CNTNAP3B: variants seen among roughly 807,000 people sequenced by gnomAD.
The protein encoded by CNTNAP3B is contactin associated protein family member 3B, also known as contactin-associated protein-like 3B.
A neutral mutation model predicts 108.9 loss-of-function variants in CNTNAP3B; 25 were observed. The observed-to-expected ratio is 0.23, with a 90% CI of 0.17 to 0.32. The LOEUF is 0.32. Among genes scored for constraint, CNTNAP3B ranks in the 10% least tolerant of loss-of-function variants. The pLI is 1.00. For missense variants in CNTNAP3B, 252 were observed against 1,210.4 expected (o/e 0.21, Z 11.75); for synonymous variants, 103 against 473.4 (o/e 0.22, Z 10.16).
chr9:41,968,242 G>T (rs1290809542), intron 10 of CNTNAP3B, among the ~76,000 whole-genome samples: 1 of 147,450 alleles, frequency 6.8e-6, no homozygotes, highest in Non-Finnish European at 1.5e-5. Context: ...AATCACACTT[G>T]CATCACAGTT....
chr9:41,956,243 G>A lies in CNTNAP3B; in HGVS notation c.1877-2857C>T, dbSNP rs796117009. On this transcript the variant is annotated intron_variant, in intron 12 of 23. Coordinates refer to ENST00000377561, the MANE Select transcript of CNTNAP3B (RefSeq NM_001201380.3). The stretch of plus-strand genomic sequence containing the variant: ...CTACTAAAAATACAAAAAATTAGCC[G>A]GGCGTGGTGGCACATGCCTGTAGTC... Among the ~76,000 whole-genome samples the A allele has an allele frequency of 1.2e-4, 18 of 151,850 alleles. No homozygotes were observed. The East Asian group carries it at 1.6e-3, about 13-fold the overall frequency.
intron 13 of CNTNAP3B, among the ~76,000 whole-genome samples, chr9:41,952,715 C>G (rs1824727953): frequency 1.3e-5 from 2 of 150,524 alleles, no homozygotes; most frequent in South Asian, 4.2e-4. Flanking sequence ...TCATCCTAGA[C>G]CACAGTGAAA....
intron 1 of CNTNAP3B, among the ~76,000 whole-genome samples, chr9:42,108,906 G>T (rs1458151241): frequency 3.6e-5 from 5 of 140,390 alleles, no homozygotes; most frequent in African/African-American, 1.4e-4. Context: ...GTTCATGAAA[G>T]ACAGCAGAAG....
At chr9:42,070,146 C>T (rs1383345309) in intron 3 of CNTNAP3B, among the ~76,000 whole-genome samples, 4 of 146,770 alleles carry the variant, frequency 2.7e-5, no homozygotes, top group Non-Finnish European at 4.5e-5. Context: ...TTTCTTTTTG[C>T]TTCCTAGCCA....
chr9:41,915,995 T>C (rs1204750761), intron 18 of CNTNAP3B, among the ~76,000 whole-genome samples: 1 of 151,552 alleles, frequency 6.6e-6, no homozygotes, highest in East Asian at 1.9e-4. Flanking sequence ...TATTTCTACA[T>C]AGCTCTATTT....
chr9:42,117,126 A>C lies in CNTNAP3B; in HGVS notation c.85+11884T>G, dbSNP rs1005455468. 1.1e-4 allele frequency among the ~76,000 whole-genome samples: 15 copies of C among 137,674 alleles called. 4 individuals carry two copies. Among genetic ancestry groups the C allele is most frequent in the African/African-American group, 4.4e-4 (15 of 34,308 alleles). The allele number at this position is 137,674 out of a possible 152,430, so 90.3% of individuals were successfully genotyped here. On this transcript the variant is annotated intron_variant, in intron 1 of 23. Coordinates refer to ENST00000377561, the MANE Select transcript of CNTNAP3B (RefSeq NM_001201380.3). The stretch of plus-strand genomic sequence containing the variant: ...CATTAGACAGATCAACAAGACAGAA[A>C]GTTAAAAAGGATATCCAGGAATTGA...
chr9:42,126,586 G>C (rs1828575428), intron 1 of CNTNAP3B, among the ~76,000 whole-genome samples: 1 of 135,978 alleles, frequency 7.4e-6, no homozygotes, highest in Non-Finnish European at 1.6e-5. Context: ...TTTTGAGACG[G>C]AGTTTTGCGT....
chr9:42,070,610 C>G (rs1427783274), intron 3 of CNTNAP3B, among the ~76,000 whole-genome samples: 1 of 151,286 alleles, frequency 6.6e-6, no homozygotes, highest in East Asian at 1.9e-4. Context: ...AACACACACT[C>G]AGACTGAGAA....
At chr9:42,111,112 C>T (rs1454318176) in intron 1 of CNTNAP3B, among the ~76,000 whole-genome samples, 1 of 138,094 alleles carries the variant, frequency 7.2e-6, no homozygotes, top group Non-Finnish European at 1.5e-5. Flanking sequence ...TCAGGCCTGG[C>T]AACTGAATGT....
At chr9:41,935,500 T>C (rs1240374637) in intron 14 of CNTNAP3B, among the ~76,000 whole-genome samples, 1 of 152,294 alleles carries the variant, frequency 6.6e-6, no homozygotes, top group Admixed American at 6.5e-5. Flanking sequence ...TACACCTTAA[T>C]CTAAATTATT....
At chr9:41,969,748 G>A (rs1472950269) in intron 10 of CNTNAP3B, among the ~76,000 whole-genome samples, 1 of 141,106 alleles carries the variant, frequency 7.1e-6, no homozygotes, top group African/African-American at 2.7e-5. Context: ...CTCCCCAGTA[G>A]CTGGGACTAC....
At chr9:41,952,652 C>CA (rs1270177494) in intron 13 of CNTNAP3B, among the ~76,000 whole-genome samples, 9 of 150,168 alleles carry the variant, frequency 6.0e-5, no homozygotes, top group East Asian at 1.9e-4. Context: ...GATATAATTT[C>CA]AAAAAAATGA....
At chr9:42,117,031 C>A (rs1409333676) in intron 1 of CNTNAP3B, among the ~76,000 whole-genome samples, 1 of 138,838 alleles carries the variant, frequency 7.2e-6, no homozygotes, top group African/African-American at 2.9e-5. Context: ...AAAGCAAGTC[C>A]TTAGAGGTGT....
At chr9:41,943,345 AT>A (rs1165684239) in intron 13 of CNTNAP3B, among the ~76,000 whole-genome samples, 559 of 132,352 alleles carry the variant, frequency 4.2e-3, no homozygotes, top group African/African-American at 0.013. Flanking sequence ...TTGGACAATA[AT>A]TTTTTTTTTT....
chr9:41,955,023 C>A (rs1177030324), intron 12 of CNTNAP3B, among the ~76,000 whole-genome samples: 2 of 151,318 alleles, frequency 1.3e-5, no homozygotes, highest in African/African-American at 2.4e-5. Context: ...TTACTCTGTG[C>A]ACATCACCTA....
intron 11 of CNTNAP3B, among the ~76,000 whole-genome samples, chr9:41,963,702 C>T (rs1357562884): frequency 6.6e-6 from 1 of 151,088 alleles, no homozygotes; most frequent in East Asian, 1.9e-4. Context: ...GCTGTGGGTG[C>T]TGCTGGTGCA....
intron 12 of CNTNAP3B, chr9:41,959,907 G>C (rs1411294479): frequency 1.3e-5 from 2 of 152,296 alleles, no homozygotes; most frequent in African/African-American, 2.4e-5. Flanking sequence ...GAAGAGCTAG[G>C]TGACAACAAA....
At chr9:42,107,996 A>G (rs1422042801) in intron 1 of CNTNAP3B, among the ~76,000 whole-genome samples, 1 of 134,810 alleles carries the variant, frequency 7.4e-6, no homozygotes, top group Non-Finnish European at 1.6e-5. Flanking sequence ...AAAGAAAGAA[A>G]GAAAGGCACT....
At position 42,121,199 on chromosome 9, in the gene CNTNAP3B, C is replaced by T. The variant is rs144676376; in HGVS notation, c.85+7811G>A. Among the ~76,000 whole-genome samples, 156 of 138,126 alleles carry T rather than the reference C, an allele frequency of 1.1e-3. 6 individuals carry two copies. The highest frequency in any genetic ancestry group is 1.8e-3 in the Non-Finnish European group (118 of 64,656). The allele number at this position is 138,126 out of a possible 152,430, so 90.6% of individuals were successfully genotyped here. A position where few individuals can be genotyped will look rare whatever the true frequency, so the allele number is the denominator to read the frequency against. ...GGCACAGCTGTGAAACACATTCTACCGGCTTCCTGAGAGCTTCCCAGGGAG... is the reference window on the plus strand; with the variant it reads ...GGCACAGCTGTGAAACACATTCTACTGGCTTCCTGAGAGCTTCCCAGGGAG... On this transcript the variant is annotated intron_variant, in intron 1 of 23. Coordinates refer to ENST00000377561, the MANE Select transcript of CNTNAP3B (RefSeq NM_001201380.3).
Sources: allele counts gnomAD v4.1 joint callset (sites outside exome capture counted in the v4.1 genomes callset), GRCh38; gene constraint gnomAD v4.1.1; transcripts MANE v1.5; gene names NCBI Gene and HGNC (gene_info 2026-07-23, HGNC 2026-07-21).